ZMYND8: variants seen among roughly 807,000 people sequenced by gnomAD.
ZMYND8 encodes the protein MYND-type zinc finger-containing chromatin reader ZMYND8.
Under a neutral mutation model 140.8 loss-of-function variants are expected in ZMYND8, and 37 were observed. That is an observed-to-expected ratio of 0.26 (90% CI 0.20 to 0.35). The LOEUF (loss-of-function observed/expected upper bound fraction) is 0.35. Among genes scored for constraint, ZMYND8 ranks in the 10% least tolerant of loss-of-function variants. The probability of loss-of-function intolerance (pLI) is 1.00; values close to 1 mark genes in which losing one functional copy is unlikely to be tolerated. For synonymous variants in ZMYND8, 592 were observed against 597.1 expected (o/e 0.99, Z 0.12); for missense variants, 1,068 against 1,570.0 (o/e 0.68, Z 5.40).
chr20:47,311,776 A>C (rs1284628693), intron 2 of ZMYND8, among the ~76,000 whole-genome samples: 1 of 152,192 alleles, frequency 6.6e-6, no homozygotes. Flanking sequence ...AGACTGAGGC[A>C]GGAGAATCGC....
intron 2 of ZMYND8, among the ~76,000 whole-genome samples, chr20:47,339,532 A>G (rs539155752): frequency 6.6e-6 from 1 of 152,096 alleles, no homozygotes; most frequent in African/African-American, 2.4e-5. Context: ...GCTGGAGTGC[A>G]GTGGCGCAAT....
Position 47,246,490 on chromosome 20 carries a change from T to C in ZMYND8, c.1802A>G (p.Tyr601Cys), listed in dbSNP as rs759440348. 2 of 1,592,878 alleles carry C rather than the reference T, an allele frequency of 1.3e-6. No individual in the cohort carries two copies. The highest frequency in any genetic ancestry group is 1.4e-5 in the African/African-American group (1 of 73,756). The part of the protein sequence containing the change: ...LGINEISEDV[Y>C]TAVEHSDSED... ...CGAATCGCTGTGCTCTACGGCCGTA[T>C]AGACATCTTCCGAGATTTCATTTAT... The change falls in exon 14 of 23, where the codon TAT becomes TGT. Residue 601 changes from tyrosine (Y) to cysteine (C), a missense_variant. This residue lies in a region of ZMYND8 where 383 missense variants were observed against 431.2 expected (regional missense o/e 0.89). Transcript: ENST00000471951.
intron 21 of ZMYND8, among the ~76,000 whole-genome samples, chr20:47,217,815 C>T (rs1051583970): frequency 3.3e-5 from 5 of 151,022 alleles, no homozygotes; most frequent in African/African-American, 7.4e-5. Flanking sequence ...TGAAACTCCA[C>T]GAAGATAGGC....
chr20:47,341,387 C>T (rs1227740510), intron 2 of ZMYND8, among the ~76,000 whole-genome samples: 1 of 151,772 alleles, frequency 6.6e-6, no homozygotes, highest in Non-Finnish European at 1.5e-5. Flanking sequence ...ATTAGCCAGG[C>T]ATGGTGGTGC....
chr20:47,264,307 C>T (rs184422229), intron 11 of ZMYND8, among the ~76,000 whole-genome samples: 3 of 152,278 alleles, frequency 2.0e-5, no homozygotes, highest in East Asian at 3.9e-4. Context: ...GATGGAGTCT[C>T]GCTCTGTCAC....
Position 47,352,341 on chromosome 20 carries a change from T to C in ZMYND8, c.14+4316A>G. On this transcript the variant is annotated intron_variant, in intron 1 of 22. Transcript: ENST00000471951. ...AAAGGTAAAATAAAAAGGCTGTTTATAAGCCTGCAAACAGCCACCAAATAC... is the reference window on the plus strand; with the variant it reads ...AAAGGTAAAATAAAAAGGCTGTTTACAAGCCTGCAAACAGCCACCAAATAC... The C allele has an allele frequency of 5.0e-6, 3 of 596,744 alleles. No homozygotes were observed. The South Asian group carries it at 2.2e-4, about 44-fold the overall frequency. 37.0% of individuals were successfully genotyped at this position (596,744 alleles called of 1,614,324 possible).
chr20:47,228,825 T>C (rs1374750012), intron 17 of ZMYND8, among the ~76,000 whole-genome samples: 1 of 152,166 alleles, frequency 6.6e-6, no homozygotes, highest in African/African-American at 2.4e-5. Flanking sequence ...CTGTAAGTCC[T>C]GCCATTTGTC....
chr20:47,329,987 T>G lies in ZMYND8; in HGVS notation c.85+17869A>C, dbSNP rs115560575. Among the ~76,000 whole-genome samples, 688 of 152,296 alleles carry G rather than the reference T, an allele frequency of 4.5e-3. 5 individuals carry two copies. The highest frequency in any genetic ancestry group is 0.016 in the African/African-American group (660 of 41,572). ...GAATTTCTGATCAAAGCTGAATACT[T>G]TCGTGGGCAATTTAAGGTACTTTGA... On this transcript the variant is annotated intron_variant, in intron 2 of 22. Coordinates refer to ENST00000471951, the MANE Select transcript of ZMYND8 (RefSeq NM_001281775.3).
rs142357650 is a variant in ZMYND8, at chr20:47,350,542, C to T, written c.15-2616G>A. 4.4e-3 allele frequency among the ~76,000 whole-genome samples: 670 copies of T among 151,352 alleles called. 4 individuals carry two copies. The highest frequency in any genetic ancestry group is 0.015 in the African/African-American group (634 of 41,254). On this transcript the variant is annotated intron_variant, in intron 1 of 22. Coordinates refer to ENST00000471951, the MANE Select transcript of ZMYND8 (RefSeq NM_001281775.3). ...AAATGAATATTACATCAAAAGTAGG[C>T]GCAAGAAAAGATCTGTACCTGTCTG...
chr20:47,273,950 T>C (rs2076108577), intron 11 of ZMYND8, among the ~76,000 whole-genome samples: 3 of 152,218 alleles, frequency 2.0e-5, no homozygotes, highest in African/African-American at 7.2e-5. Context: ...GGCTAATTCA[T>C]GATTAGTAAA....
intron 21 of ZMYND8, among the ~76,000 whole-genome samples, chr20:47,213,661 G>GTT: frequency 6.6e-6 from 1 of 152,092 alleles, no homozygotes; most frequent in African/African-American, 2.4e-5. Context: ...CCAAAAGAGG[G>GTT]GTCAAGAGAT....
intron 21 of ZMYND8, among the ~76,000 whole-genome samples, chr20:47,214,373 A>C (rs1014537239): frequency 6.6e-6 from 1 of 152,358 alleles, no homozygotes; most frequent in South Asian, 2.1e-4. Context: ...ACACTCTCAG[A>C]ATCACTGCGG....
At chr20:47,324,201 C>CAAA (rs60339000) in intron 2 of ZMYND8, among the ~76,000 whole-genome samples, 10 of 66,656 alleles carry the variant, frequency 1.5e-4, no homozygotes, top group African/African-American at 2.8e-4. Flanking sequence ...GACTCTGTCT[C>CAAA]AAAAAAAAAA....
chr20:47,317,845 C>CTGT (rs1392622818), intron 2 of ZMYND8, among the ~76,000 whole-genome samples: 1 of 152,164 alleles, frequency 6.6e-6, no homozygotes, highest in South Asian at 2.1e-4. Context: ...CGTAAAAAGG[C>CTGT]AACTTAACCT....
At chr20:47,250,302 G>A (rs2074066878) in intron 12 of ZMYND8, among the ~76,000 whole-genome samples, 1 of 152,110 alleles carries the variant, frequency 6.6e-6, no homozygotes, top group South Asian at 2.1e-4. Flanking sequence ...AAGAGTTTCA[G>A]TGGCTGCAAA....
chr20:47,225,444 T>C (rs529252975), intron 18 of ZMYND8, among the ~76,000 whole-genome samples: 46 of 148,954 alleles, frequency 3.1e-4, no homozygotes, highest in African/African-American at 1.1e-3. Flanking sequence ...TCCCAGCTAC[T>C]TGGGAGGCCG....
chr20:47,257,322 TAC>T (rs1294242339), intron 12 of ZMYND8, among the ~76,000 whole-genome samples: 1 of 151,944 alleles, frequency 6.6e-6, no homozygotes, highest in East Asian at 1.9e-4. Context: ...ATATGCCATA[TAC>T]ACAAATACAC....
chr20:47,356,301 A>C, intron 1 of ZMYND8: 1 of 1,295,364 alleles, frequency 7.7e-7, no homozygotes, highest in Non-Finnish European at 1.0e-6. Flanking sequence ...GCTCAGAGAG[A>C]GAGAGAGGGG....
At chr20:47,213,334 C>G (rs6018346) in intron 21 of ZMYND8, among the ~76,000 whole-genome samples, 18,853 of 152,060 alleles carry the variant, frequency 0.12, 1,941 homozygotes, top group African/African-American at 0.28. Context: ...CAGCTGATAC[C>G]GTGAGAAGCT....
Sources: gnomAD v4.1 joint callset for allele counts (sites outside exome capture counted in the v4.1 genomes callset) on GRCh38, gnomAD v4.1.1 for gene constraint, gnomAD v4.1.1 regional missense constraint, MANE v1.5 for transcripts, NCBI Gene and HGNC (gene_info 2026-07-23, HGNC 2026-07-21) for gene names.